The following TAF4 variants were observed in gnomAD, a reference collection of about 807,000 sequenced individuals.
TAF4 encodes transcription initiation factor TFIID subunit 4.
In TAF4, 9 loss-of-function variants were observed where a neutral mutation model predicts 90.3. That is an observed-to-expected ratio of 0.10 (90% confidence interval 0.06 to 0.17). The LOEUF (loss-of-function observed/expected upper bound fraction) is 0.17. Among genes scored for constraint, TAF4 ranks in the 10% least tolerant of loss-of-function variants. The pLI is 1.00. For missense variants in TAF4, 1,351 were observed against 1,370.7 expected (o/e 0.99, Z 0.23); for synonymous variants, 818 against 638.9 (o/e 1.28, Z -4.23).
At chr20:62,062,119 C>T (rs2056092120) in intron 1 of TAF4, among the ~76,000 whole-genome samples, 5 of 152,240 alleles carry the variant, frequency 3.3e-5, no homozygotes, top group Admixed American at 3.3e-4. Context: ...ACCCCTAATA[C>T]TCCCGGCTCC....
At chr20:62,013,757 C>A (rs961221160) in intron 2 of TAF4, among the ~76,000 whole-genome samples, 1 of 152,194 alleles carries the variant, frequency 6.6e-6, no homozygotes, top group African/African-American at 2.4e-5. Context: ...GAACACGCAG[C>A]GTGCGGGCAC....
rs1430467436 is a variant in TAF4, at chr20:62,003,851, C to A, written c.2251G>T (p.Ala751Ser). The A allele has an allele frequency of 1.3e-6, 2 of 1,584,472 alleles. No individual in the cohort carries two copies. The highest frequency in any genetic ancestry group is 1.8e-5 in the Admixed American group (1 of 55,680). Residue 751 changes from alanine to serine, a missense_variant, in exon 8 of 15, where the codon GCC (alanine) becomes TCC (serine). Physicochemically the swap from Ala to Ser is moderately conservative, Grantham distance 99. Coordinates refer to ENST00000252996, the MANE Select transcript of TAF4 (RefSeq NM_003185.4). ...GTCACCTGCGGGGGCCGGATCAGGG[C>A]TCCTGGCTTCGGAGGCTGCTGGATG... The part of the protein sequence containing the change: ...LVIQQPPKPG[A>S]LIRPPQVTLT...
rs2056123544 is a variant in TAF4 at position 62,065,330 on chromosome 20, C to A, written c.481G>T (p.Ala161Ser). The change falls in exon 1 of 15, where the codon GCC (alanine) becomes TCC (serine). Residue 161 changes from alanine (A) to serine (S), a missense_variant. This residue lies in a region of TAF4 where 782 missense variants were observed against 536.6 expected (regional missense o/e 1.46). Coordinates refer to ENST00000252996, the MANE Select transcript of TAF4 (RefSeq NM_003185.4). ...CGGGCGGCCAGCGCGGCGGGGCCGG[C>A]GGGCTTGGCGGGGCCGGCGGGGGCG... is the stretch of plus-strand genomic sequence containing the variant. ...EPAPAGPAKPAGPAALAARAG... is the reference protein window; with the variant it reads ...EPAPAGPAKPSGPAALAARAG... The A allele has an allele frequency of 3.2e-6, 3 of 941,032 alleles. No homozygotes were observed. Among genetic ancestry groups the A allele is most frequent in the Admixed American group, 7.0e-5 (1 of 14,214 alleles). The allele number at this position is 941,032 out of a possible 1,614,324, so 58.3% of individuals were successfully genotyped here.
chr20:61,993,922 T>G (rs893778954), intron 14 of TAF4, among the ~76,000 whole-genome samples: 10 of 152,130 alleles, frequency 6.6e-5, no homozygotes, highest in South Asian at 2.1e-4. Flanking sequence ...CCGGCTAAAT[T>G]TTGTGTTTTT....
intron 1 of TAF4, among the ~76,000 whole-genome samples, chr20:62,041,094 G>T (rs1015294975): frequency 2.6e-5 from 4 of 152,030 alleles, no homozygotes; most frequent in African/African-American, 7.3e-5. Context: ...GGGTTTCAGC[G>T]ACCTGAGCGC....
chr20:62,010,242 G>A lies in TAF4; in HGVS notation c.1642-77C>T. The A allele has an allele frequency of 6.2e-7, 1 of 1,601,304 alleles. No individual in the cohort carries two copies. Among genetic ancestry groups the A allele is most frequent in the South Asian group, 1.1e-5 (1 of 90,744 alleles). ...GAGGGGGAGACCAGCCTCACGCCCA[G>A]CAAAAGAAAACAAGCCTCCCTGCGG... On this transcript the variant is annotated intron_variant, in intron 3 of 14. Coordinates refer to ENST00000252996, the MANE Select transcript of TAF4 (RefSeq NM_003185.4). The surrounding 1 kb of genome is among the most constrained non-coding windows in gnomAD (Gnocchi z 4.5).
At chr20:62,020,506 C>G (rs2055836823) in intron 1 of TAF4, among the ~76,000 whole-genome samples, 1 of 152,228 alleles carries the variant, frequency 6.6e-6, no homozygotes, top group African/African-American at 2.4e-5. Context: ...TTTAAAAGAA[C>G]ATTTATCCAA....
chr20:62,011,134 A>C (rs958700703), intron 3 of TAF4, among the ~76,000 whole-genome samples: 1 of 152,174 alleles, frequency 6.6e-6, no homozygotes, highest in Non-Finnish European at 1.5e-5. Context: ...GGCTGTGAGG[A>C]GGCAGCAGGG....
chr20:62,030,024 CA>C (rs2055895988), intron 1 of TAF4, among the ~76,000 whole-genome samples: 1 of 152,328 alleles, frequency 6.6e-6, no homozygotes, highest in South Asian at 2.1e-4. Context: ...TGAAGCTGCC[CA>C]TGTGGGTGTC....
chr20:61,983,536 C>T (rs1460542092), intron 14 of TAF4, among the ~76,000 whole-genome samples: 2 of 152,086 alleles, frequency 1.3e-5, no homozygotes, highest in East Asian at 3.9e-4. Flanking sequence ...GTGCTGTGTG[C>T]CTGTAGTCCC....
chr20:62,003,901 T>C (rs776882392), intron 7 of TAF4, 23 bp from the exon 8 acceptor site: 1 of 1,526,626 alleles, frequency 6.6e-7, no homozygotes, highest in African/African-American at 1.4e-5. Context: ...CAGCAGAGAA[T>C]GGTGAGCATG....
chr20:62,010,020 A>G lies in TAF4; in HGVS notation c.1761+26T>C. On this transcript the variant is annotated intron_variant, in intron 4 of 14. Transcript: ENST00000252996. This position sits in a 1 kb window ranked among gnomAD's most constrained non-coding sequence, Gnocchi z 4.5. ...TGCGCCACGGGCCTGACCGTCTTTG[A>G]AGGCACGGAAAGGAGTGGCTCTTAC... 6.2e-7 allele frequency: 1 copy of G among 1,611,978 alleles called. No homozygotes were observed. Among genetic ancestry groups the G allele is most frequent in the Non-Finnish European group, 8.5e-7 (1 of 1,179,828 alleles).
At chr20:61,978,674 C>T (rs1022963476) in intron 14 of TAF4, among the ~76,000 whole-genome samples, 6 of 150,552 alleles carry the variant, frequency 4.0e-5, no homozygotes, top group African/African-American at 4.9e-5. Context: ...AGGCCGGGGG[C>T]GAGACCAACC....
At chr20:62,008,864 G>A (rs893291747) in intron 5 of TAF4, 188 bp downstream of exon 5, 21 of 665,570 alleles carry the variant, frequency 3.2e-5, no homozygotes, top group African/African-American at 1.7e-4. Flanking sequence ...CCAGCCCCAG[G>A]AAGGAGTCTC....
intron 1 of TAF4, among the ~76,000 whole-genome samples, chr20:62,062,244 T>C (rs75702407): frequency 0.026 from 4,002 of 152,326 alleles, 177 homozygotes; most frequent in African/African-American, 0.091. Flanking sequence ...AATATTTCAA[T>C]GAAAACGGAA....
intron 1 of TAF4, among the ~76,000 whole-genome samples, chr20:62,033,406 T>C (rs1267856032): frequency 6.6e-6 from 1 of 152,160 alleles, no homozygotes; most frequent in Non-Finnish European, 1.5e-5. Context: ...AAATATCCCC[T>C]GCCCCAAGAA....
intron 10 of TAF4, 123 bp from the exon 11 acceptor site, chr20:62,000,377 T>A: frequency 6.9e-7 from 1 of 1,451,528 alleles, no homozygotes; most frequent in Non-Finnish European, 9.3e-7. Context: ...GAAAGGCTGG[T>A]GGGGTGGAAG....
Position 62,000,586 on chromosome 20 carries a change from G to C in TAF4, c.2622C>G (p.Leu874=), listed in dbSNP as rs769463906. ...TRSCKDETFL[L]QAPLQRRILE... is the part of the protein sequence containing the mutation. ...ATATTCTTCTCTGCAAAGGCGCTTGGAGGAGGAAGGTTTCATCTTTACAGG... is the reference window on the plus strand; with the variant it reads ...ATATTCTTCTCTGCAAAGGCGCTTGCAGGAGGAAGGTTTCATCTTTACAGG... Residue 874 remains leucine, a synonymous_variant, in exon 10 of 15, where the codon CTC becomes CTG. Coordinates refer to ENST00000252996, the MANE Select transcript of TAF4 (RefSeq NM_003185.4). The C allele has an allele frequency of 6.2e-7, 1 of 1,614,182 alleles. No homozygotes were observed. The highest frequency in any genetic ancestry group is 1.1e-5 in the South Asian group (1 of 91,080).
intron 1 of TAF4, among the ~76,000 whole-genome samples, chr20:62,048,018 C>T (rs962650575): frequency 6.6e-6 from 1 of 152,162 alleles, no homozygotes; most frequent in Non-Finnish European, 1.5e-5. Context: ...ACTGGACCAC[C>T]CCCTCATCAA....
Sources: gnomAD v4.1 joint callset for allele counts (sites outside exome capture counted in the v4.1 genomes callset) on GRCh38, gnomAD v4.1.1 for gene constraint, gnomAD v4.1.1 regional missense constraint, Gnocchi (gnomAD v3.1) non-coding constraint, MANE v1.5 for transcripts, NCBI Gene and HGNC (gene_info 2026-07-23, HGNC 2026-07-21) for gene names.